The following PCDHGA5 variants were observed in gnomAD, a reference collection of about 807,000 sequenced individuals.
The protein encoded by PCDHGA5 is protocadherin gamma subfamily A, 5.
A neutral mutation model predicts 56.7 loss-of-function variants in PCDHGA5; 36 were observed. The observed-to-expected ratio is 0.64, with a 90% CI of 0.49 to 0.84. The LOEUF is 0.84. Ranked by LOEUF, PCDHGA5 falls within the 40% of genes least tolerant of loss-of-function variation. The pLI, the probability that PCDHGA5 is intolerant of heterozygous loss-of-function variation, is 0.00. For missense variants in PCDHGA5, 1,305 were observed against 1,201.5 expected, an observed-to-expected ratio of 1.09 and a Z score of -1.27; for synonymous variants, 563 against 520.2, an observed-to-expected ratio of 1.08 and a Z score of -1.12.
At chr5:141,510,378 C>T (rs919650449) in intron 3 of PCDHGA5, among the ~76,000 whole-genome samples, 1 of 151,688 alleles carries the variant, frequency 6.6e-6, no homozygotes, top group African/African-American at 2.4e-5. Flanking sequence ...TCTACTCGTG[C>T]CAGGCCTTGC....
rs755773964 is a variant in PCDHGA5 at position 141,366,523 on chromosome 5, G to A, written c.2193G>A (p.Arg731=). Residue 731 remains arginine, a synonymous_variant, in exon 1 of 4, where the codon AGG becomes AGA. Coordinates refer to ENST00000518069, the MANE Select transcript of PCDHGA5 (RefSeq NM_018918.3). ...KSRLLQAEGS[R]LAGVPASHFV... The stretch of plus-strand genomic sequence containing the variant: ...GCCTGCTTCAGGCTGAAGGCAGCAG[G>A]TTGGCGGGTGTGCCCGCCTCGCACT... 18 of 1,614,152 alleles carry A rather than the reference G, an allele frequency of 1.1e-5. No homozygotes were observed. Among genetic ancestry groups the A allele is most frequent in the Middle Eastern group, 1.6e-4 (1 of 6,082 alleles).
chr5:141,499,485 A>G (rs1278629076), intron 2 of PCDHGA5, among the ~76,000 whole-genome samples: 2 of 152,226 alleles, frequency 1.3e-5, no homozygotes, highest in Non-Finnish European at 2.9e-5. Flanking sequence ...ACCACCAACT[A>G]CAGTTTAATA....
At chr5:141,408,990 A>T (rs1554103244) in intron 1 of PCDHGA5, 1 of 1,613,984 alleles carries the variant, frequency 6.2e-7, no homozygotes, top group South Asian at 1.1e-5. Flanking sequence ...CCTGTGTTGC[A>T]AGTGACAGCC....
At position 141,364,827 on chromosome 5, in the gene PCDHGA5, C is replaced by G. The variant is rs1444045845; in HGVS notation, c.497C>G (p.Ser166Cys). Residue 166 changes from serine (S) to cysteine (C), a missense_variant, in exon 1 of 4, where the codon TCT becomes TGT. Coordinates refer to ENST00000518069, the MANE Select transcript of PCDHGA5 (RefSeq NM_018918.3). ...FARDADVGVNSLRSYQLSSNL... is the reference protein window; with the variant it reads ...FARDADVGVNCLRSYQLSSNL... ...CGGGATGCGGATGTGGGTGTGAACTCTCTCCGGAGTTACCAGCTCAGCTCC... is the reference window on the plus strand; with the variant it reads ...CGGGATGCGGATGTGGGTGTGAACTGTCTCCGGAGTTACCAGCTCAGCTCC... The G allele has an allele frequency of 6.2e-7, 1 of 1,613,996 alleles. No homozygotes were observed. The highest frequency in any genetic ancestry group is 8.5e-7 in the Non-Finnish European group (1 of 1,179,900).
intron 1 of PCDHGA5, chr5:141,427,787 C>A (rs2097070880): frequency 6.8e-7 from 1 of 1,478,064 alleles, no homozygotes; most frequent in Non-Finnish European, 9.4e-7. Context: ...CACTGTCGTC[C>A]TACGTGTCCG....
In PCDHGA5 at chr5:141,366,199, G is replaced by C. The variant is rs1764397175; in HGVS notation, c.1869G>C (p.Thr623=). Residue 623 remains threonine, a synonymous_variant, in exon 1 of 4, where the codon ACG becomes ACC. Coordinates refer to ENST00000518069, the MANE Select transcript of PCDHGA5 (RefSeq NM_018918.3). ...EPGLFAVGLH[T]GEVRTARALL... ...GACTCTTTGCGGTTGGGCTGCACAC[G>C]GGCGAGGTGCGCACAGCGCGAGCCC... 1 of 1,613,876 alleles carries C rather than the reference G, an allele frequency of 6.2e-7. No homozygotes were observed. The highest frequency in any genetic ancestry group is 8.5e-7 in the Non-Finnish European group (1 of 1,180,048).
chr5:141,418,228 T>C, intron 1 of PCDHGA5: 2 of 1,613,990 alleles, frequency 1.2e-6, no homozygotes, highest in Non-Finnish European at 1.7e-6. Context: ...TTGTGGTGAT[T>C]GAGGATGTTA....
At chr5:141,402,087 A>G (rs1388054772) in intron 1 of PCDHGA5, among the ~76,000 whole-genome samples, 1 of 152,224 alleles carries the variant, frequency 6.6e-6, no homozygotes, top group Non-Finnish European at 1.5e-5. Context: ...GAAATAGCAG[A>G]AAAGTTTAAG....
chr5:141,498,703 G>A (rs961006063), intron 2 of PCDHGA5, among the ~76,000 whole-genome samples: 7 of 152,228 alleles, frequency 4.6e-5, no homozygotes, highest in Non-Finnish European at 8.8e-5. Flanking sequence ...AGGCTGAGGT[G>A]GGTGGATCAC....
intron 1 of PCDHGA5, chr5:141,403,951 G>C: frequency 6.2e-7 from 1 of 1,613,882 alleles, no homozygotes. Flanking sequence ...GGACAAAAGT[G>C]CTCATTTCGG....
intron 1 of PCDHGA5, among the ~76,000 whole-genome samples, chr5:141,484,760 A>G (rs1472178052): frequency 2.0e-5 from 3 of 151,880 alleles, no homozygotes; most frequent in South Asian, 2.1e-4. Flanking sequence ...GTATATATAT[A>G]TATATGTTGT....
intron 1 of PCDHGA5, among the ~76,000 whole-genome samples, chr5:141,481,886 C>T (rs575190135): frequency 6.9e-6 from 1 of 145,360 alleles, no homozygotes; most frequent in South Asian, 2.2e-4. Context: ...TGCACTCCAG[C>T]CTGGGTGAAA....
At chr5:141,399,255 G>A (rs767281843) in intron 1 of PCDHGA5, 6 of 1,613,892 alleles carry the variant, frequency 3.7e-6, no homozygotes, top group Non-Finnish European at 5.1e-6. Context: ...GGGAAAATGG[G>A]GAGGTTAATT....
intron 1 of PCDHGA5, chr5:141,419,989 T>C (rs778087109): frequency 4.1e-5 from 66 of 1,613,962 alleles, no homozygotes; most frequent in Non-Finnish European, 5.2e-5. Context: ...TGATTCTAGC[T>C]ATTGCTCTAC....
chr5:141,422,259 C>T (rs751340056), intron 1 of PCDHGA5: 2 of 1,565,034 alleles, frequency 1.3e-6, no homozygotes, highest in Non-Finnish European at 1.7e-6. Flanking sequence ...TGAATGATAA[C>T]GCTCCAGAAA....
chr5:141,478,435 G>A, intron 1 of PCDHGA5: 1 of 1,613,736 alleles, frequency 6.2e-7, no homozygotes, highest in Non-Finnish European at 8.5e-7. Context: ...ACCCGCTGCT[G>A]AAGAAACCTG....
intron 1 of PCDHGA5, chr5:141,410,046 G>T: frequency 6.2e-7 from 1 of 1,613,174 alleles, no homozygotes; most frequent in Non-Finnish European, 8.5e-7. Context: ...AGTGAGCCCG[G>T]ACTCTTCAGC....
chr5:141,433,374 T>A (rs948922353), intron 1 of PCDHGA5, among the ~76,000 whole-genome samples: 36 of 150,958 alleles, frequency 2.4e-4, no homozygotes, highest in African/African-American at 8.6e-4. Flanking sequence ...TATCTATCTA[T>A]CTATCTATCT....
At chr5:141,394,154 C>A (rs770076493) in intron 1 of PCDHGA5, 1 of 1,613,918 alleles carries the variant, frequency 6.2e-7, no homozygotes, top group Admixed American at 1.7e-5. Context: ...ACATTAACGA[C>A]AACCCTCCTA....
Sources: gnomAD v4.1 joint callset for allele counts (sites outside exome capture counted in the v4.1 genomes callset) on GRCh38, gnomAD v4.1.1 for gene constraint, MANE v1.5 for transcripts, NCBI Gene and HGNC (gene_info 2026-07-23, HGNC 2026-07-21) for gene names.